PKD1L3: variants seen among roughly 807,000 people sequenced by gnomAD.
The protein encoded by PKD1L3 is polycystin-1-like protein 3.
Under a neutral mutation model 184.1 loss-of-function variants are expected in PKD1L3, and 239 were observed. That is an observed-to-expected ratio of 1.30 (90% CI 1.17 to 1.45). PKD1L3 has a LOEUF of 1.45. Ranked by LOEUF, PKD1L3 falls within the 40% of genes most tolerant of loss-of-function variation. The probability of loss-of-function intolerance (pLI) is 0.00; values close to 1 mark genes in which losing one functional copy is unlikely to be tolerated. For missense variants in PKD1L3, 2,660 were observed against 2,067.2 expected, an observed-to-expected ratio of 1.29 and a Z score of -5.56; for synonymous variants, 996 against 778.8, an observed-to-expected ratio of 1.28 and a Z score of -4.64.
intron 8 of PKD1L3, 44 bp from the exon 9 acceptor site, chr16:71,979,956 C>T: frequency 1.3e-6 from 2 of 1,549,466 alleles, no homozygotes; most frequent in Non-Finnish European, 1.7e-6. Flanking sequence ...TGTGTGTCCT[C>T]TGAAAGTGAA....
Position 71,986,114 on chromosome 16 carries a change from G to C in PKD1L3, c.834+107C>G. 3 of 1,387,012 alleles carry C rather than the reference G, an allele frequency of 2.2e-6. No homozygotes were observed. The East Asian group carries it at 7.5e-5, about 35-fold the overall frequency. 85.9% of individuals were successfully genotyped at this position (1,387,012 alleles called of 1,614,324 possible). A position where few individuals can be genotyped will look rare whatever the true frequency, so the allele number is the denominator to read the frequency against. The stretch of plus-strand genomic sequence containing the variant: ...TTTGTTTTGGATTGGCATATACGCT[G>C]GTCTGTCAGGCATTCTTAGGTGTAG... On this transcript the variant is annotated intron_variant, in intron 5 of 29. Coordinates refer to ENST00000620267, the MANE Select transcript of PKD1L3 (RefSeq NM_181536.2).
chr16:71,972,619 G>C (rs904796762), intron 12 of PKD1L3, among the ~76,000 whole-genome samples: 1 of 152,076 alleles, frequency 6.6e-6, no homozygotes, highest in Non-Finnish European at 1.5e-5. Flanking sequence ...AGGAGGTTGA[G>C]GCTGCAGTAA....
intron 4 of PKD1L3, among the ~76,000 whole-genome samples, 185 bp from the exon 5 acceptor site, chr16:71,986,654 T>G (rs2143803732): frequency 6.6e-6 from 1 of 152,278 alleles, no homozygotes; most frequent in East Asian, 1.9e-4. Flanking sequence ...TTACTTGAGA[T>G]TCATGATTTA....
chr16:71,980,010 C>T lies in PKD1L3; in HGVS notation c.1268G>A (p.Ser423Asn), dbSNP rs1381407012. The T allele has an allele frequency of 2.6e-6, 4 of 1,551,978 alleles. No individual in the cohort carries two copies. Among genetic ancestry groups the T allele is most frequent in the Non-Finnish European group, 1.7e-6 (2 of 1,147,096 alleles). ...CCCGTTCCTTCTTCCCATTAACCTGCTCAGCAGCAGAGTAGCATTGGCAGA... is the reference window on the plus strand; with the variant it reads ...CCCGTTCCTTCTTCCCATTAACCTGTTCAGCAGCAGAGTAGCATTGGCAGA... ...LTSANATLLLSRQNISTLPLS... is the reference protein window; with the variant it reads ...LTSANATLLLNRQNISTLPLS... Residue 423 changes from serine (S) to asparagine (N), a missense_variant, in exon 8 of 30, where the codon AGC becomes AAC. Ser to Asn is a conservative substitution (Grantham distance 46, BLOSUM62 1). Coordinates refer to ENST00000620267, the MANE Select transcript of PKD1L3 (RefSeq NM_181536.2).
intron 4 of PKD1L3, 135 bp downstream of exon 4, chr16:71,990,145 G>T (rs1597374769): frequency 1.7e-6 from 1 of 574,618 alleles, no homozygotes; most frequent in Non-Finnish European, 2.6e-6. Context: ...TTTTTTTCTT[G>T]CACGTAAGTA....
At position 71,935,430 on chromosome 16, in the gene PKD1L3, A is replaced by G. The variant is rs1022794503; in HGVS notation, c.4541T>C (p.Leu1514Pro). Residue 1514 changes from leucine (L) to proline (P), a missense_variant, in exon 26 of 30, where the codon CTC becomes CCC. By Grantham distance (98) the Leu-to-Pro change is moderately conservative (BLOSUM62 -3). Transcript: ENST00000620267. ...AATACTCTTCATGTCAAGCCCCAGG[A>G]GGATGAAGCTAATGAGGATTATACT... ...DTSIILISFI[L>P]LGLDMKSISL... is the part of the protein sequence containing the mutation. 1.3e-6 allele frequency: 2 copies of G among 1,552,008 alleles called. No individual in the cohort carries two copies. The highest frequency in any genetic ancestry group is 3.9e-5 in the Admixed American group (2 of 51,002).
intron 4 of PKD1L3, among the ~76,000 whole-genome samples, chr16:71,988,657 C>T (rs1312781304): frequency 2.0e-5 from 3 of 152,142 alleles, no homozygotes; most frequent in African/African-American, 7.2e-5. Context: ...ATAGGGGTGG[C>T]AAAACTCCAC....
At chr16:71,998,600 G>A (rs563626359) in intron 1 of PKD1L3, among the ~76,000 whole-genome samples, 9 of 152,024 alleles carry the variant, frequency 5.9e-5, no homozygotes, top group South Asian at 4.1e-4. Flanking sequence ...ACAGGCACCC[G>A]CCACCACGCC....
chr16:71,992,861 C>A (rs2040643686), intron 3 of PKD1L3, among the ~76,000 whole-genome samples: 1 of 152,180 alleles, frequency 6.6e-6, no homozygotes, highest in South Asian at 2.1e-4. Context: ...CAGGCTAATG[C>A]ATCCTTCCCA....
At chr16:71,961,046 G>A (rs2039258286) in intron 16 of PKD1L3, among the ~76,000 whole-genome samples, 1 of 149,752 alleles carries the variant, frequency 6.7e-6, no homozygotes, top group Non-Finnish European at 1.5e-5. Context: ...TTTTTGGTTT[G>A]TTTTTTAGAG....
At chr16:71,957,463 C>T (rs1189434562) in intron 16 of PKD1L3, among the ~76,000 whole-genome samples, 3 of 151,996 alleles carry the variant, frequency 2.0e-5, no homozygotes, top group South Asian at 4.1e-4. Context: ...ATTCTGTCTA[C>T]AAGAGACATA....
At chr16:71,980,799 C>A (rs1018441113) in intron 7 of PKD1L3, among the ~76,000 whole-genome samples, 1 of 152,150 alleles carries the variant, frequency 6.6e-6, no homozygotes, top group Non-Finnish European at 1.5e-5. Flanking sequence ...CACACTACTG[C>A]ACTCCAGCCT....
rs1035543 is a variant in PKD1L3 at position 71,949,873 on chromosome 16, G to C, written c.3528C>G (p.Ser1176Arg). 0.35 allele frequency: 549,570 copies of C among 1,551,090 alleles called. 101,518 individuals carry two copies. The highest frequency in any genetic ancestry group is 0.62 in the East Asian group (25,378 of 40,890). The change falls in exon 21 of 30, where the codon AGC (serine) becomes AGG (arginine). Residue 1176 changes from serine to arginine, a missense_variant. Physicochemically the swap from Ser to Arg is moderately radical, Grantham distance 110. Transcript: ENST00000620267. The stretch of plus-strand genomic sequence containing the variant: ...TGGCTTGGTCTTTGCTCAATTCCAA[G>C]CTATAAAGTGCTGTAAAAAAGGCTG... The part of the protein sequence containing the change: ...LASAFFTALY[S>R]LELSKDQATS...
intron 16 of PKD1L3, among the ~76,000 whole-genome samples, chr16:71,959,536 C>G (rs2039189502): frequency 6.6e-6 from 1 of 152,034 alleles, no homozygotes; most frequent in South Asian, 2.1e-4. Flanking sequence ...TTTTGTGCAT[C>G]TAAAAACAAA....
In PKD1L3 at chr16:71,949,930, G is replaced by A; in HGVS notation, c.3471C>T (p.Cys1157=). The A allele has an allele frequency of 6.4e-7, 1 of 1,551,718 alleles. No individual in the cohort carries two copies. Among genetic ancestry groups the A allele is most frequent in the East Asian group, 2.4e-5 (1 of 40,922 alleles). ...NGLSKWLTSV[C]WLLLGFTSLA... ...GGCTAGTGAAACCTAAGAGGAGCCA[G>A]CAGACTGAAGTCAACCATTTGGACA... Residue 1157 remains cysteine (C), a synonymous_variant, in exon 21 of 30, where the codon TGC becomes TGT. Transcript: ENST00000620267.
intron 27 of PKD1L3, 147 bp from the exon 28 acceptor site, chr16:71,933,668 G>A: frequency 1.4e-6 from 1 of 733,858 alleles, no homozygotes; most frequent in Non-Finnish European, 2.3e-6. Context: ...AACTTCCTTT[G>A]TAATAACATA....
At chr16:71,947,716 A>G (rs1346734155) in intron 21 of PKD1L3, 125 bp from the exon 22 acceptor site, 1 of 643,324 alleles carries the variant, frequency 1.6e-6, no homozygotes. Context: ...ATTTTAATGA[A>G]AAACTAATTT....
intron 22 of PKD1L3, among the ~76,000 whole-genome samples, chr16:71,944,839 C>T (rs2143267239): frequency 1.3e-5 from 2 of 151,654 alleles, no homozygotes; most frequent in Admixed American, 1.3e-4. Context: ...GCTGGGATTA[C>T]AGGCACATGC....
chr16:71,951,555 G>A lies in PKD1L3; in HGVS notation c.3190+9C>T, dbSNP rs918343581. 1.9e-5 allele frequency: 30 copies of A among 1,544,846 alleles called. No homozygotes were observed. In the African/African-American group the frequency reaches 2.7e-4, roughly 14 times the overall value. ...GGAAGATTCGTTACTGAAATCTACT[G>A]AAGTTTACCACGTGCCCAGTGGCGC... On this transcript the variant is annotated intron_variant, in intron 19 of 29. Transcript: ENST00000620267.
Sources: allele counts gnomAD v4.1 joint callset (sites outside exome capture counted in the v4.1 genomes callset), GRCh38; gene constraint gnomAD v4.1.1; transcripts MANE v1.5; gene names NCBI Gene and HGNC (gene_info 2026-07-23, HGNC 2026-07-21).